VPS33B: variants seen among roughly 807,000 people sequenced by gnomAD.
VPS33B encodes VPS33B late endosome and lysosome associated.
In VPS33B, 80 loss-of-function variants were observed where a neutral mutation model predicts 95.3. That is an observed-to-expected ratio of 0.84 (90% CI 0.70 to 1.01). The LOEUF is 1.01. Ranked by LOEUF, VPS33B falls within the 50% of genes least tolerant of loss-of-function variation. VPS33B has a pLI of 0.00. For synonymous variants in VPS33B, 280 were observed against 280.4 expected, an observed-to-expected ratio of 1.00 and a Z score of 0.01; for missense variants, 715 against 773.4, an observed-to-expected ratio of 0.92 and a Z score of 0.90.
At chr15:91,022,059 C>T (rs2041118698) in intron 1 of VPS33B, 95 bp downstream of exon 1, 1 of 1,404,860 alleles carries the variant, frequency 7.1e-7, no homozygotes, top group African/African-American at 1.4e-5. Context: ...ATACCAGGGG[C>T]CAAGAACAAG....
intron 5 of VPS33B, among the ~76,000 whole-genome samples, chr15:91,012,896 G>A (rs1181313377): frequency 6.6e-6 from 1 of 152,226 alleles, no homozygotes; most frequent in African/African-American, 2.4e-5. Context: ...AGTTCCCTCA[G>A]CTGCTCAAAG....
At chr15:91,014,234 AAAAAAAAAG>A in intron 4 of VPS33B, 141 bp downstream of exon 4, 1 of 841,036 alleles carries the variant, frequency 1.2e-6, no homozygotes, top group Non-Finnish European at 1.9e-6. Flanking sequence ...AAAAAAAAAA[AAAAAAAAAG>A]AAGCGGGGAA....
chr15:91,021,186 G>A (rs2041091208), intron 1 of VPS33B, among the ~76,000 whole-genome samples: 1 of 152,128 alleles, frequency 6.6e-6, no homozygotes, highest in African/African-American at 2.4e-5. Flanking sequence ...GTACTCACTA[G>A]GTAGTGTTGA....
At position 91,013,753 on chromosome 15, in the gene VPS33B, G is replaced by C. The variant is rs746381249; in HGVS notation, c.357+51C>G. Reference sequence around the variant, plus strand: ...GCTGTTGGCCCCTTACCCCTGCCCGGTCCTCAGTCCTGTTCTACCTTATCC... The same window carrying C: ...GCTGTTGGCCCCTTACCCCTGCCCGCTCCTCAGTCCTGTTCTACCTTATCC... On this transcript the variant is annotated intron_variant, in intron 5 of 22. Transcript: ENST00000333371. The surrounding 1 kb of genome is among the most constrained non-coding windows in gnomAD (Gnocchi z 4.5). 1.2e-6 allele frequency: 2 copies of C among 1,605,110 alleles called. No homozygotes were observed. Among genetic ancestry groups the C allele is most frequent in the Non-Finnish European group, 1.7e-6 (2 of 1,172,216 alleles).
chr15:91,000,627 G>A lies in VPS33B; in HGVS notation c.1480-36C>T. The A allele has an allele frequency of 6.3e-7, 1 of 1,584,730 alleles. No individual in the cohort carries two copies. The highest frequency in any genetic ancestry group is 1.3e-5 in the African/African-American group (1 of 74,360). ...AAGGGACTTCATTAGGCAAGTGACA[G>A]CTCAGCTCCCTAACCCTTTAAAGGG... On this transcript the variant is annotated intron_variant, in intron 19 of 22. Coordinates refer to ENST00000333371, the MANE Select transcript of VPS33B (RefSeq NM_018668.5). This position sits in a 1 kb window ranked among gnomAD's most constrained non-coding sequence, Gnocchi z 4.9.
At chr15:91,019,754 G>C (rs1375562450) in intron 1 of VPS33B, among the ~76,000 whole-genome samples, 1 of 152,126 alleles carries the variant, frequency 6.6e-6, no homozygotes, top group East Asian at 1.9e-4. Context: ...CCTGATTTAG[G>C]CTGGTGGTGG....
Position 91,009,861 on chromosome 15 carries a change from G to T in VPS33B, c.358-15C>A. 1 of 1,614,016 alleles carries T rather than the reference G, an allele frequency of 6.2e-7. No homozygotes were observed. The highest frequency in any genetic ancestry group is 8.5e-7 in the Non-Finnish European group (1 of 1,179,932). On this transcript the variant is annotated splice_polypyrimidine_tract_variant and intron_variant, in intron 5 of 22. Coordinates refer to ENST00000333371, the MANE Select transcript of VPS33B (RefSeq NM_018668.5). This position sits in a 1 kb window ranked among gnomAD's most constrained non-coding sequence, Gnocchi z 4.1. Reference sequence around the variant, plus strand: ...CACGCATAGAACTGAAAGAGAAAAGGAAATTGATTAGTAACTACCTTCTTC... The same window carrying T: ...CACGCATAGAACTGAAAGAGAAAAGTAAATTGATTAGTAACTACCTTCTTC...
At position 91,002,400 on chromosome 15, in the gene VPS33B, G is replaced by A. The variant is rs2040464980; in HGVS notation, c.1273-218C>T. ...AGCACTTTGGGTTTGGGAGGCCAGG[G>A]CAGGCAGATCACTTGAGGTCAGGAG... On this transcript the variant is annotated intron_variant, in intron 17 of 22. Coordinates refer to ENST00000333371, the MANE Select transcript of VPS33B (RefSeq NM_018668.5). This position sits in a 1 kb window ranked among gnomAD's most constrained non-coding sequence, Gnocchi z 4.7. Among the ~76,000 whole-genome samples the A allele has an allele frequency of 6.6e-6, 1 of 152,102 alleles. No individual in the cohort carries two copies. The highest frequency in any genetic ancestry group is 1.9e-4 in the East Asian group (1 of 5,190).
chr15:91,017,497 C>A lies in VPS33B; in HGVS notation c.177+308G>T, dbSNP rs1333485158. On this transcript the variant is annotated intron_variant, in intron 2 of 22. Coordinates refer to ENST00000333371, the MANE Select transcript of VPS33B (RefSeq NM_018668.5). ...AATTAACCAGGTGTGGTGGCACATG[C>A]CTGTGGTCCCAGCTACTTGGGAAGC... 6.0e-5 allele frequency among the ~76,000 whole-genome samples: 9 copies of A among 148,954 alleles called. No individual in the cohort carries two copies. The Admixed American group carries it at 6.1e-4, about 10-fold the overall frequency.
rs932260733 is a variant in VPS33B, at chr15:91,002,661, T to C, written c.1272+424A>G. Among the ~76,000 whole-genome samples the C allele has an allele frequency of 1.4e-5, 2 of 141,844 alleles. No homozygotes were observed. Among genetic ancestry groups the C allele is most frequent in the African/African-American group, 5.2e-5 (2 of 38,128 alleles). 93.1% of individuals were successfully genotyped at this position (141,844 alleles called of 152,430 possible). On this transcript the variant is annotated intron_variant, in intron 17 of 22. Transcript: ENST00000333371. The surrounding 1 kb of genome is among the most constrained non-coding windows in gnomAD (Gnocchi z 4.7). ...AAAAAAAAAAAAAAAAGAAAAGAAA[T>C]AATTAGCACCAAACAAAGAAGAATA...
downstream of VPS33B, chr15:90,998,529 T>A (rs1390322402): frequency 7.4e-6 from 2 of 269,630 alleles, no homozygotes; most frequent in Non-Finnish European, 1.5e-5. This position sits in a 1 kb window ranked among gnomAD's most constrained non-coding sequence, Gnocchi z 4.8. Flanking sequence ...TACAGAGTGG[T>A]AGAGTGATTT....
Position 91,013,683 on chromosome 15 carries a change from T to C in VPS33B, c.357+121A>G. 2 of 997,728 alleles carry C rather than the reference T, an allele frequency of 2.0e-6. No homozygotes were observed. The highest frequency in any genetic ancestry group is 4.8e-5 in the East Asian group (2 of 41,640). 61.8% of individuals were successfully genotyped at this position (997,728 alleles called of 1,614,324 possible). A position where few individuals can be genotyped will look rare whatever the true frequency, so the allele number is the denominator to read the frequency against. On this transcript the variant is annotated intron_variant, in intron 5 of 22. Transcript: ENST00000333371. This position sits in a 1 kb window ranked among gnomAD's most constrained non-coding sequence, Gnocchi z 4.5. Reference sequence around the variant, plus strand: ...TCATTATAAATTACCTAGTCTCAGGTATTCTGTTACAGCAACAGAAAACGA... The same window carrying C: ...TCATTATAAATTACCTAGTCTCAGGCATTCTGTTACAGCAACAGAAAACGA...
At chr15:91,014,246 G>C in intron 4 of VPS33B, 138 bp downstream of exon 4, 4 of 722,552 alleles carry the variant, frequency 5.5e-6, no homozygotes, top group East Asian at 2.9e-5. Context: ...AAAAAAAGAA[G>C]CGGGGAAGCA....
rs1041690825 is a variant in VPS33B at position 91,009,455 on chromosome 15, C to T, written c.403+346G>A. 9.2e-5 allele frequency among the ~76,000 whole-genome samples: 14 copies of T among 151,838 alleles called. No homozygotes were observed. The highest frequency in any genetic ancestry group is 1.9e-4 in the African/African-American group (8 of 41,316). Reference sequence around the variant, plus strand: ...CCGAGTAGCTGGGATTACAAGCGTGCGCCATCACGCCCAGCTAATTATTGT... The same window carrying T: ...CCGAGTAGCTGGGATTACAAGCGTGTGCCATCACGCCCAGCTAATTATTGT... On this transcript the variant is annotated intron_variant, in intron 6 of 22. Coordinates refer to ENST00000333371, the MANE Select transcript of VPS33B (RefSeq NM_018668.5). This position sits in a 1 kb window ranked among gnomAD's most constrained non-coding sequence, Gnocchi z 4.1.
At position 91,006,596 on chromosome 15, in the gene VPS33B, T is replaced by C; in HGVS notation, c.778+56A>G. 1 of 1,612,222 alleles carries C rather than the reference T, an allele frequency of 6.2e-7. No homozygotes were observed. The highest frequency in any genetic ancestry group is 1.1e-5 in the South Asian group (1 of 91,038). ...CACAAACCCTGCCCCACGTGGGAGG[T>C]GCCAAGGCTGATGACCCGTCCATCT... On this transcript the variant is annotated intron_variant, in intron 10 of 22. Transcript: ENST00000333371. The surrounding 1 kb of genome is among the most constrained non-coding windows in gnomAD (Gnocchi z 5.4).
intron 1 of VPS33B, among the ~76,000 whole-genome samples, chr15:91,021,389 G>A (rs973390574): frequency 6.6e-6 from 1 of 152,154 alleles, no homozygotes; most frequent in Admixed American, 6.5e-5. Flanking sequence ...AAGTCTTTGA[G>A]TTTTCTTTCA....
rs551018637 is a variant in VPS33B, at chr15:90,999,618, T to C, written c.1774+59A>G. The C allele has an allele frequency of 2.7e-4, 422 of 1,576,494 alleles. No homozygotes were observed. The highest frequency in any genetic ancestry group is 3.4e-4 in the Non-Finnish European group (394 of 1,146,994). On this transcript the variant is annotated intron_variant, in intron 22 of 22. Coordinates refer to ENST00000333371, the MANE Select transcript of VPS33B (RefSeq NM_018668.5). The surrounding 1 kb of genome is among the most constrained non-coding windows in gnomAD (Gnocchi z 5.1). Reference sequence around the variant, plus strand: ...ACAGGTATGAACCACCGTGCCCAGCTGACACTTTGTTACCCAGATACAATG... The same window carrying C: ...ACAGGTATGAACCACCGTGCCCAGCCGACACTTTGTTACCCAGATACAATG...
At position 90,999,423 on chromosome 15, in the gene VPS33B, A is replaced by G. The variant is rs1385089613; in HGVS notation, c.1774+254T>C. The G allele has an allele frequency of 7.7e-6, 4 of 520,182 alleles. No individual in the cohort carries two copies. The highest frequency in any genetic ancestry group is 1.4e-5 in the Non-Finnish European group (4 of 285,802). The allele number at this position is 520,182 out of a possible 1,614,324, so 32.2% of individuals were successfully genotyped here. A position where few individuals can be genotyped will look rare whatever the true frequency, so the allele number is the denominator to read the frequency against. On this transcript the variant is annotated intron_variant, in intron 22 of 22. Transcript: ENST00000333371. The surrounding 1 kb of genome is among the most constrained non-coding windows in gnomAD (Gnocchi z 5.1). ...AACCTCCACCTCCCGGGTTCAAGCA[A>G]TTCTCCTGCCTCAGCCTCCCGAGTA...
Position 90,999,360 on chromosome 15 carries a change from C to G in VPS33B, c.1775-306G>C, listed in dbSNP as rs2040366517. 1.9e-6 allele frequency: 1 copy of G among 513,920 alleles called. No individual in the cohort carries two copies. Among genetic ancestry groups the G allele is most frequent in the Non-Finnish European group, 3.5e-6 (1 of 284,278 alleles). The allele number at this position is 513,920 out of a possible 1,614,324, so 31.8% of individuals were successfully genotyped here. The stretch of plus-strand genomic sequence containing the variant: ...TGAGATGGAGTTTTGCTATTGTTGC[C>G]CAGGCTGGAGTGCAATGGTGCAATC... On this transcript the variant is annotated intron_variant, in intron 22 of 22. Transcript: ENST00000333371. This position sits in a 1 kb window ranked among gnomAD's most constrained non-coding sequence, Gnocchi z 5.1.
Sources: allele counts gnomAD v4.1 joint callset (sites outside exome capture counted in the v4.1 genomes callset), GRCh38; gene constraint gnomAD v4.1.1; non-coding constraint Gnocchi (gnomAD v3.1); transcripts MANE v1.5; gene names NCBI Gene and HGNC (gene_info 2026-07-23, HGNC 2026-07-21).